The following PAPPA variants were observed in gnomAD, a reference collection of about 807,000 sequenced individuals.
PAPPA encodes pappalysin 1.
Under a neutral mutation model 164.0 loss-of-function variants are expected in PAPPA, and 60 were observed. The ratio of observed to expected loss-of-function variants is 0.37; its 90% CI spans 0.30 to 0.45. The LOEUF is 0.45. PAPPA is among the 20% of genes least tolerant of loss of function. The pLI is 1.00. For missense variants in PAPPA, 1,782 were observed against 2,087.3 expected, an observed-to-expected ratio of 0.85 and a Z score of 2.85; for synonymous variants, 875 against 814.1, an observed-to-expected ratio of 1.07 and a Z score of -1.27.
At chr9:116,219,117 A>G (rs116832980) in intron 4 of PAPPA, among the ~76,000 whole-genome samples, 191 of 152,108 alleles carry the variant, frequency 1.3e-3, no homozygotes, top group African/African-American at 4.1e-3. Context: ...TTCTTTTCCA[A>G]TCTTAGCCGT....
chr9:116,383,557 T>G (rs2118704302), intron 21 of PAPPA, among the ~76,000 whole-genome samples: 1 of 152,346 alleles, frequency 6.6e-6, no homozygotes, highest in Middle Eastern at 3.4e-3. Context: ...GTTCCTGGAT[T>G]CCAATCCCAG....
At chr9:116,382,617 T>G in intron 21 of PAPPA, 124 bp downstream of exon 21, 2 of 630,098 alleles carry the variant, frequency 3.2e-6, no homozygotes, top group Non-Finnish European at 5.7e-6. Flanking sequence ...CCACACGCTT[T>G]ATTTCTTTTT....
Position 116,203,318 on chromosome 9 carries a change from T to A in PAPPA, c.1479-4138T>A, listed in dbSNP as rs143819800. Among the ~76,000 whole-genome samples the A allele has an allele frequency of 1.8e-3, 277 of 152,336 alleles. 3 individuals carry two copies. The East Asian group carries it at 0.042, about 23-fold the overall frequency. On this transcript the variant is annotated intron_variant, in intron 2 of 21. Coordinates refer to ENST00000328252, the MANE Select transcript of PAPPA (RefSeq NM_002581.5). ...TTTCCTTGAGCTCTGGCCTTGCTCA[T>A]CCTGTTTTGAAACTATGTAATTTGA...
At chr9:116,307,613 A>G (rs1845663371) in intron 10 of PAPPA, among the ~76,000 whole-genome samples, 1 of 152,182 alleles carries the variant, frequency 6.6e-6, no homozygotes, top group African/African-American at 2.4e-5. Flanking sequence ...AAAAATAAAA[A>G]TAAAATAAAA....
chr9:116,352,346 G>A (rs1846293468), intron 15 of PAPPA, among the ~76,000 whole-genome samples: 1 of 152,176 alleles, frequency 6.6e-6, no homozygotes, highest in South Asian at 2.1e-4. Flanking sequence ...CCAAGTATTA[G>A]AAGGCAAGTG....
chr9:116,375,360 G>A (rs911201382), intron 19 of PAPPA, among the ~76,000 whole-genome samples: 9 of 152,164 alleles, frequency 5.9e-5, no homozygotes, highest in African/African-American at 2.2e-4. Context: ...CTTTCTCCAA[G>A]GTCTTTGATT....
chr9:116,274,749 G>A (rs533610961), intron 9 of PAPPA, among the ~76,000 whole-genome samples: 4 of 152,300 alleles, frequency 2.6e-5, no homozygotes, highest in Admixed American at 2.0e-4. Flanking sequence ...AGAGCCCAAC[G>A]CTTAGTATAG....
intron 21 of PAPPA, among the ~76,000 whole-genome samples, chr9:116,388,157 G>C (rs1412304966): frequency 6.6e-6 from 1 of 152,154 alleles, no homozygotes; most frequent in Non-Finnish European, 1.5e-5. Context: ...ACAAGAGCAA[G>C]ACGGTGCAGG....
intron 4 of PAPPA, among the ~76,000 whole-genome samples, chr9:116,216,445 G>A (rs1844372594): frequency 3.9e-5 from 6 of 152,176 alleles, no homozygotes; most frequent in Non-Finnish European, 8.8e-5. Context: ...TCAACAGCAT[G>A]GGGACTGGCA....
intron 7 of PAPPA, among the ~76,000 whole-genome samples, chr9:116,242,906 T>C (rs1050964737): frequency 6.6e-6 from 1 of 152,220 alleles, no homozygotes; most frequent in African/African-American, 2.4e-5. Flanking sequence ...CTCATTGACA[T>C]TTCTGTTATG....
intron 1 of PAPPA, among the ~76,000 whole-genome samples, chr9:116,178,728 A>G (rs1843866082): frequency 6.6e-6 from 1 of 152,176 alleles, no homozygotes; most frequent in African/African-American, 2.4e-5. Context: ...TTCCCCCACT[A>G]CAACTGTCAG....
intron 19 of PAPPA, among the ~76,000 whole-genome samples, chr9:116,373,954 G>A (rs1846610619): frequency 6.6e-6 from 1 of 152,122 alleles, no homozygotes; most frequent in Non-Finnish European, 1.5e-5. Context: ...AAAGCTCTGA[G>A]CCCAGGGCTT....
chr9:116,194,573 C>A (rs1231764850), intron 2 of PAPPA, among the ~76,000 whole-genome samples: 1 of 152,194 alleles, frequency 6.6e-6, no homozygotes, highest in Admixed American at 6.5e-5. Flanking sequence ...TGGCTCCGCT[C>A]TGCACTAGCT....
chr9:116,180,786 A>G (rs1469759865), intron 1 of PAPPA, among the ~76,000 whole-genome samples: 1 of 152,162 alleles, frequency 6.6e-6, no homozygotes, highest in African/African-American at 2.4e-5. Context: ...GACCACAGGA[A>G]GAAAGCATAG....
intron 10 of PAPPA, among the ~76,000 whole-genome samples, chr9:116,317,684 T>A (rs957666319): frequency 1.3e-5 from 2 of 152,218 alleles, no homozygotes; most frequent in Non-Finnish European, 2.9e-5. Context: ...CTCAACATAC[T>A]GCTCTAGAAC....
chr9:116,192,376 C>A (rs964229180), intron 2 of PAPPA, among the ~76,000 whole-genome samples: 1 of 152,138 alleles, frequency 6.6e-6, no homozygotes, highest in African/African-American at 2.4e-5. Flanking sequence ...TGGCTGAGAT[C>A]CAGACCATGA....
chr9:116,187,433 C>A lies in PAPPA; in HGVS notation c.695C>A (p.Thr232Asn). ...GTGGGTGGCATATTCAGCCCACTGA[C>A]CCAGAAGTGCAAAGTGCTCATGTTA... ...EQVGGIFSPLTQKCKVLMLGG... is the reference protein window; with the variant it reads ...EQVGGIFSPLNQKCKVLMLGG... Residue 232 changes from threonine to asparagine, a missense_variant, in exon 2 of 22, where the codon ACC becomes AAC. By Grantham distance (65) the Thr-to-Asn change is moderately conservative. This residue lies in a region of PAPPA where 458 missense variants were observed against 430.3 expected (regional missense o/e 1.06). Coordinates refer to ENST00000328252, the MANE Select transcript of PAPPA (RefSeq NM_002581.5). The surrounding 1 kb of genome is among the most constrained non-coding windows in gnomAD (Gnocchi z 4.2). The A allele has an allele frequency of 6.2e-7, 1 of 1,614,164 alleles. No individual in the cohort carries two copies. Among genetic ancestry groups the A allele is most frequent in the Non-Finnish European group, 8.5e-7 (1 of 1,180,040 alleles).
In PAPPA at chr9:116,401,974, TTC is replaced by T. The variant is rs1847064018; in HGVS notation, c.*5360_*5361del. 1 of 152,496 alleles carries T rather than the reference TTC, an allele frequency of 6.6e-6. No individual in the cohort carries two copies. Among genetic ancestry groups the T allele is most frequent in the African/African-American group, 2.4e-5 (1 of 41,438 alleles). 9.4% of individuals were successfully genotyped at this position (152,496 alleles called of 1,614,324 possible). ...ATAAATTTGCTGCTCCTATTTTTTT[TTC>T]TGTTTATGTGTTTTTATGGATCTAA... is the stretch of plus-strand genomic sequence containing the variant. On this transcript the variant is annotated 3_prime_UTR_variant, in exon 22 of 22. Coordinates refer to ENST00000328252, the MANE Select transcript of PAPPA (RefSeq NM_002581.5).
At chr9:116,165,701 C>T (rs1249352221) in intron 1 of PAPPA, among the ~76,000 whole-genome samples, 1 of 152,156 alleles carries the variant, frequency 6.6e-6, no homozygotes, top group African/African-American at 2.4e-5. Flanking sequence ...CCCCCAAATG[C>T]ACCTGGTTCT....
Sources: gnomAD v4.1 joint callset for allele counts (sites outside exome capture counted in the v4.1 genomes callset) on GRCh38, gnomAD v4.1.1 for gene constraint, gnomAD v4.1.1 regional missense constraint, Gnocchi (gnomAD v3.1) non-coding constraint, MANE v1.5 for transcripts, NCBI Gene and HGNC (gene_info 2026-07-23, HGNC 2026-07-21) for gene names.